Variants in PLXDC2 observed in about 807,000 individuals in gnomAD.
The protein encoded by PLXDC2 is plexin domain-containing protein 2.
Under a neutral mutation model 68.9 loss-of-function variants are expected in PLXDC2, and 40 were observed. The ratio of observed to expected loss-of-function variants is 0.58; its 90% CI spans 0.45 to 0.76. The LOEUF is 0.76. Among genes scored for constraint, PLXDC2 ranks in the 30% least tolerant of loss-of-function variants. The probability of loss-of-function intolerance (pLI) is 0.00; values close to 1 mark genes in which losing one functional copy is unlikely to be tolerated. For missense variants in PLXDC2, 644 were observed against 661.9 expected, an observed-to-expected ratio of 0.97 and a Z score of 0.30; for synonymous variants, 243 against 234.2, an observed-to-expected ratio of 1.04 and a Z score of -0.34.
intron 1 of PLXDC2, among the ~76,000 whole-genome samples, chr10:19,866,940 A>G (rs1837427887): frequency 6.6e-6 from 1 of 152,132 alleles, no homozygotes; most frequent in African/African-American, 2.4e-5. Flanking sequence ...TTTGTCTAAA[A>G]AGTTGGGGTC....
chr10:20,146,723 C>G (rs1230007360), intron 5 of PLXDC2, among the ~76,000 whole-genome samples: 2 of 152,034 alleles, frequency 1.3e-5, no homozygotes, highest in East Asian at 1.9e-4. Flanking sequence ...CCTTTCAGGA[C>G]TTACAATTGG....
intron 4 of PLXDC2, among the ~76,000 whole-genome samples, chr10:20,092,768 A>G (rs889437804): frequency 2.0e-5 from 3 of 152,014 alleles, no homozygotes; most frequent in East Asian, 1.9e-4. Flanking sequence ...AAATGCAGTC[A>G]CAAGTACTTT....
intron 1 of PLXDC2, among the ~76,000 whole-genome samples, chr10:19,891,353 C>A (rs1255016242): frequency 1.3e-5 from 2 of 152,154 alleles, no homozygotes; most frequent in African/African-American, 4.8e-5. Context: ...CCACACACAG[C>A]TGGTTTTTTA....
intron 2 of PLXDC2, among the ~76,000 whole-genome samples, chr10:20,021,583 C>A (rs1376519758): frequency 6.6e-6 from 1 of 152,096 alleles, no homozygotes; most frequent in Non-Finnish European, 1.5e-5. Flanking sequence ...TAAGGCCACC[C>A]CCTCTTGTCT....
chr10:20,192,820 A>G (rs1343356546), intron 9 of PLXDC2, among the ~76,000 whole-genome samples: 1 of 152,098 alleles, frequency 6.6e-6, no homozygotes, highest in Non-Finnish European at 1.5e-5. Flanking sequence ...AAAGTGGACA[A>G]GAATGCATTT....
At chr10:20,228,724 A>G (rs1835319926) in intron 12 of PLXDC2, among the ~76,000 whole-genome samples, 1 of 152,070 alleles carries the variant, frequency 6.6e-6, no homozygotes, top group African/African-American at 2.4e-5. Flanking sequence ...GGAATACAGG[A>G]TTTAAAGTCC....
At chr10:20,230,745 ATTATAAT>A (rs1177093970) in intron 12 of PLXDC2, among the ~76,000 whole-genome samples, 4 of 143,530 alleles carry the variant, frequency 2.8e-5, no homozygotes, top group African/African-American at 1.0e-4. Flanking sequence ...ATTAGGAACC[ATTATAAT>A]TTTTTTAAGT....
chr10:20,187,748 G>T (rs1249451032), intron 9 of PLXDC2, among the ~76,000 whole-genome samples: 1 of 151,712 alleles, frequency 6.6e-6, no homozygotes, highest in Non-Finnish European at 1.5e-5. Context: ...TTTTCTGGGG[G>T]ATAGCTTTTA....
At chr10:20,164,398 A>T (rs1317882488) in intron 6 of PLXDC2, 70 bp from the exon 7 acceptor site, 30 of 1,207,280 alleles carry the variant, frequency 2.5e-5, no homozygotes, top group Non-Finnish European at 3.7e-5. Context: ...AAACAAGAGG[A>T]TCCTACTACC....
At position 19,947,575 on chromosome 10, in the gene PLXDC2, T is replaced by C. The variant is rs148606565; in HGVS notation, c.113-54200T>C. Among the ~76,000 whole-genome samples the C allele has an allele frequency of 3.9e-3, 597 of 152,332 alleles. 4 individuals are homozygous for C. The highest frequency in any genetic ancestry group is 0.014 in the African/African-American group (568 of 41,592). ...AATATTATTAGATCCACATTTCTTT[T>C]TGGAAAAAATTGACCTGTCTCATTG... On this transcript the variant is annotated intron_variant, in intron 1 of 13. Coordinates refer to ENST00000377252, the MANE Select transcript of PLXDC2 (RefSeq NM_032812.9).
At chr10:19,874,903 G>C (rs1429777608) in intron 1 of PLXDC2, among the ~76,000 whole-genome samples, 1 of 152,094 alleles carries the variant, frequency 6.6e-6, no homozygotes, top group African/African-American at 2.4e-5. Context: ...ATTGGCACCT[G>C]TTCTTCGAGG....
intron 1 of PLXDC2, among the ~76,000 whole-genome samples, chr10:19,863,829 T>A (rs1837364303): frequency 7.2e-6 from 1 of 138,266 alleles, no homozygotes; most frequent in South Asian, 2.2e-4. Flanking sequence ...CAAAAATTTT[T>A]TAATATCAGA....
intron 1 of PLXDC2, among the ~76,000 whole-genome samples, chr10:19,864,863 G>A (rs768186982): frequency 3.2e-4 from 48 of 152,184 alleles, no homozygotes; most frequent in Non-Finnish European, 1.2e-4. Context: ...CCTACTGTAA[G>A]TTTAAAGGGT....
intron 5 of PLXDC2, among the ~76,000 whole-genome samples, chr10:20,143,884 C>T (rs1430827283): frequency 6.6e-6 from 1 of 151,968 alleles, no homozygotes; most frequent in Non-Finnish European, 1.5e-5. Context: ...GTGGGTAGTT[C>T]AACTGAAGAA....
chr10:19,896,691 A>T (rs1172870075), intron 1 of PLXDC2, among the ~76,000 whole-genome samples: 1 of 152,150 alleles, frequency 6.6e-6, no homozygotes, highest in Non-Finnish European at 1.5e-5. Context: ...CTTATGATTG[A>T]GGAAGAGAGA....
At chr10:19,883,911 T>TTTTTTTTTTTTTTTTTC (rs1837788503) in intron 1 of PLXDC2, among the ~76,000 whole-genome samples, 2 of 136,798 alleles carry the variant, frequency 1.5e-5, no homozygotes, top group East Asian at 2.2e-4. Flanking sequence ...TTTTTTTTTT[T>TTTTTTTTTTTTTTTTTC]AGCAGACAGG....
chr10:20,103,863 G>A (rs7082268), intron 4 of PLXDC2, among the ~76,000 whole-genome samples: 43,291 of 151,972 alleles, frequency 0.28, 7,767 homozygotes, highest in African/African-American at 0.5. Flanking sequence ...GGCTGGTCTC[G>A]AACTCCTGAC....
chr10:20,144,783 G>A (rs1346631222), intron 5 of PLXDC2, among the ~76,000 whole-genome samples: 1 of 152,098 alleles, frequency 6.6e-6, no homozygotes, highest in Non-Finnish European at 1.5e-5. Context: ...TCCAAACTCC[G>A]ACATTCACTA....
intron 1 of PLXDC2, among the ~76,000 whole-genome samples, chr10:19,956,156 TATAA>T (rs1024263061): frequency 2.0e-5 from 3 of 152,212 alleles, no homozygotes; most frequent in Non-Finnish European, 4.4e-5. Context: ...TTCTTGAAAC[TATAA>T]ATACTTTATT....
Sources: gnomAD v4.1 joint callset for allele counts (sites outside exome capture counted in the v4.1 genomes callset) on GRCh38, gnomAD v4.1.1 for gene constraint, MANE v1.5 for transcripts, NCBI Gene and HGNC (gene_info 2026-07-23, HGNC 2026-07-21) for gene names.